Variants in MAGI2 observed in about 807,000 individuals in gnomAD.
MAGI2 encodes membrane-associated guanylate kinase, WW and PDZ domain-containing protein 2.
MAGI2 carries 35 observed loss-of-function variants against 133.3 expected under a neutral mutation model. That is an observed-to-expected ratio of 0.26 (90% CI 0.20 to 0.35). MAGI2 has a LOEUF of 0.35. Ranked by LOEUF, MAGI2 falls within the 10% of genes least tolerant of loss-of-function variation. The pLI is 1.00. For missense variants in MAGI2, 1,636 were observed against 1,863.4 expected (o/e 0.88, Z 2.25); for synonymous variants, 729 against 710.6 (o/e 1.03, Z -0.41).
chr7:79,354,137 G>A (rs1410445007), intron 1 of MAGI2: 1 of 152,234 alleles, frequency 6.6e-6, no homozygotes, highest in Non-Finnish European at 1.5e-5. Context: ...ACCAGCAAAG[G>A]GGTCTCCAAC....
intron 1 of MAGI2, among the ~76,000 whole-genome samples, chr7:79,033,011 A>G (rs1489990674): frequency 6.6e-6 from 1 of 152,112 alleles, no homozygotes; most frequent in African/African-American, 2.4e-5. Context: ...TTGTCCAAAA[A>G]TGGTTTCATC....
At chr7:78,498,950 T>G (rs536624920) in intron 5 of MAGI2, among the ~76,000 whole-genome samples, 2 of 152,186 alleles carry the variant, frequency 1.3e-5, no homozygotes, top group South Asian at 4.2e-4. Flanking sequence ...GATGAAATTG[T>G]TTCCTCCATT....
At chr7:79,069,786 G>T (rs1392094308) in intron 1 of MAGI2, among the ~76,000 whole-genome samples, 1 of 152,182 alleles carries the variant, frequency 6.6e-6, no homozygotes, top group Non-Finnish European at 1.5e-5. Context: ...AGGAGCTCTT[G>T]AAAGGCAGGC....
At chr7:79,376,837 TGTGG>T (rs1197002754) in intron 1 of MAGI2, among the ~76,000 whole-genome samples, 129 of 142,616 alleles carry the variant, frequency 9.0e-4, no homozygotes, top group African/African-American at 9.4e-4. Flanking sequence ...TGTGTGTGTG[TGTGG>T]GTGTATGGCG....
intron 1 of MAGI2, among the ~76,000 whole-genome samples, chr7:79,289,672 C>T (rs1426525683): frequency 2.0e-5 from 3 of 152,126 alleles, no homozygotes; most frequent in Non-Finnish European, 4.4e-5. Flanking sequence ...TCAGTTACCA[C>T]TGGACTAGGG....
intron 1 of MAGI2, among the ~76,000 whole-genome samples, chr7:79,108,996 G>A (rs1027644378): frequency 4.6e-5 from 7 of 152,204 alleles, no homozygotes; most frequent in Non-Finnish European, 7.3e-5. Context: ...CCTAGAAGCT[G>A]AGCAGATGCT....
chr7:78,312,936 T>A (rs568993086), intron 9 of MAGI2, among the ~76,000 whole-genome samples: 100 of 150,562 alleles, frequency 6.6e-4, no homozygotes, highest in Non-Finnish European at 1.2e-3. Flanking sequence ...TATATATATT[T>A]TATATATATG....
chr7:78,324,392 T>C (rs115153214), intron 9 of MAGI2, among the ~76,000 whole-genome samples: 101 of 152,320 alleles, frequency 6.6e-4, no homozygotes, highest in African/African-American at 2.2e-3. Flanking sequence ...ACTGTTCTCC[T>C]GGAAGGTAGA....
chr7:78,658,080 T>C (rs1266867072), intron 2 of MAGI2, among the ~76,000 whole-genome samples: 1 of 152,214 alleles, frequency 6.6e-6, no homozygotes, highest in East Asian at 1.9e-4. Flanking sequence ...TCTTTAAATA[T>C]TTCATAGATT....
chr7:78,167,840 A>G (rs1825758419), intron 15 of MAGI2, 76 bp downstream of exon 15: 5 of 1,380,600 alleles, frequency 3.6e-6, no homozygotes, highest in South Asian at 2.9e-5. Context: ...ATTTTGTTTC[A>G]TGTGGCCTTA....
chr7:79,222,832 G>T (rs1830539743), intron 1 of MAGI2, among the ~76,000 whole-genome samples: 1 of 151,952 alleles, frequency 6.6e-6, no homozygotes, highest in Non-Finnish European at 1.5e-5. Flanking sequence ...ATGCATGTTT[G>T]TATGTTGTTT....
chr7:78,039,380 AAG>A (rs769657994), intron 21 of MAGI2, among the ~76,000 whole-genome samples: 1 of 152,244 alleles, frequency 6.6e-6, no homozygotes, highest in Non-Finnish European at 1.5e-5. Flanking sequence ...TCCTGCCTTC[AAG>A]AGAGAGTCTG....
At chr7:79,381,144 C>A (rs62458984) in intron 1 of MAGI2, among the ~76,000 whole-genome samples, 75,909 of 151,216 alleles carry the variant, frequency 0.5, 20,535 homozygotes, top group African/African-American at 0.71. Context: ...CTGCTCAGCT[C>A]AGATTAAACT....
At chr7:79,349,645 A>C (rs1166394299) in intron 1 of MAGI2, among the ~76,000 whole-genome samples, 2 of 152,034 alleles carry the variant, frequency 1.3e-5, no homozygotes, top group Non-Finnish European at 2.9e-5. Context: ...AGGCGAACCC[A>C]GAAGCATGGA....
At chr7:78,765,395 C>T (rs551890372) in intron 2 of MAGI2, among the ~76,000 whole-genome samples, 1 of 114,914 alleles carries the variant, frequency 8.7e-6, no homozygotes, top group African/African-American at 3.4e-5. Context: ...GTCAACAAGG[C>T]TGGAGTACAG....
intron 2 of MAGI2, among the ~76,000 whole-genome samples, chr7:78,682,184 C>A (rs1273357814): frequency 6.6e-6 from 1 of 151,978 alleles, no homozygotes; most frequent in African/African-American, 2.4e-5. Flanking sequence ...AAGATATACA[C>A]AAAACTGTTC....
chr7:78,635,569 A>C (rs547238006), intron 2 of MAGI2, among the ~76,000 whole-genome samples: 1 of 152,352 alleles, frequency 6.6e-6, no homozygotes, highest in South Asian at 2.1e-4. Flanking sequence ...TTCTAAGCAG[A>C]TGGGTCATTG....
At chr7:78,216,321 C>T (rs1788265895) in intron 10 of MAGI2, among the ~76,000 whole-genome samples, 1 of 152,240 alleles carries the variant, frequency 6.6e-6, no homozygotes, top group Non-Finnish European at 1.5e-5. Context: ...AGCCAACCTA[C>T]CTGCCTCCTG....
chr7:79,213,169 A>G (rs569381622), intron 1 of MAGI2, among the ~76,000 whole-genome samples: 21 of 150,004 alleles, frequency 1.4e-4, no homozygotes, highest in Non-Finnish European at 2.5e-4. Flanking sequence ...TTCTGTATAT[A>G]TTTTCTGTAT....
Sources: allele counts gnomAD v4.1 joint callset (sites outside exome capture counted in the v4.1 genomes callset), GRCh38; gene constraint gnomAD v4.1.1; transcripts MANE v1.5; gene names NCBI Gene and HGNC (gene_info 2026-07-23, HGNC 2026-07-21).